The following PAICS variants were observed in gnomAD, a reference collection of about 807,000 sequenced individuals.
PAICS encodes the protein bifunctional phosphoribosylaminoimidazole carboxylase/phosphoribosylaminoimidazole succinocarboxamide synthetase.
In PAICS, 33 loss-of-function variants were observed where a neutral mutation model predicts 53.7. The observed-to-expected ratio is 0.61, with a 90% CI of 0.47 to 0.82. The LOEUF is 0.82. Among genes scored for constraint, PAICS ranks in the 40% least tolerant of loss-of-function variants. The pLI is 0.00. For synonymous variants in PAICS, 141 were observed against 167.2 expected, an observed-to-expected ratio of 0.84 and a Z score of 1.21; for missense variants, 394 against 494.1, an observed-to-expected ratio of 0.80 and a Z score of 1.92.
At chr4:56,428,281 A>G in the PAICS span, among the ~76,000 whole-genome samples, 1 of 152,200 alleles carries the variant, frequency 6.6e-6, no homozygotes, top group African/African-American at 2.4e-5. Flanking sequence ...TCATTTACAG[A>G]TTATAACAGT....
At chr4:56,454,948 A>G (rs1049517827) in intron 8 of PAICS, among the ~76,000 whole-genome samples, 15 of 152,178 alleles carry the variant, frequency 9.9e-5, no homozygotes, top group South Asian at 2.1e-4. Flanking sequence ...TCTGGAGGTC[A>G]GGAGTTCAAG....
chr4:56,429,215 A>G, the PAICS span, among the ~76,000 whole-genome samples: 6 of 152,218 alleles, frequency 3.9e-5, no homozygotes, highest in Non-Finnish European at 7.3e-5. Context: ...ATATTTTAAA[A>G]GAAGAAGAAA....
chr4:56,459,757 C>G lies in PAICS; in HGVS notation c.*219C>G, dbSNP rs922021958. 17 of 440,916 alleles carry G rather than the reference C, an allele frequency of 3.9e-5. No individual in the cohort carries two copies. Among genetic ancestry groups the G allele is most frequent in the African/African-American group, 3.1e-4 (16 of 51,130 alleles). 27.3% of individuals were successfully genotyped at this position (440,916 alleles called of 1,614,324 possible). On this transcript the variant is annotated 3_prime_UTR_variant, in exon 9 of 9. Transcript: ENST00000512576. ...ATATTTCAGCCAGCCTTTATCATTC[C>G]TCTTACTTTATCCTTTTTCCTTAAG...
At chr4:56,445,628 G>A (rs2110086626) in intron 2 of PAICS, among the ~76,000 whole-genome samples, 1 of 152,174 alleles carries the variant, frequency 6.6e-6, no homozygotes, top group Admixed American at 6.5e-5. Flanking sequence ...TTTATGCACA[G>A]TTAAATGAGA....
chr4:56,424,663 C>T, the PAICS span, among the ~76,000 whole-genome samples: 5 of 152,048 alleles, frequency 3.3e-5, no homozygotes, highest in Admixed American at 1.3e-4. Context: ...GAAGCATAAG[C>T]GAGAGAGGAT....
chr4:56,441,806 G>T lies in PAICS; in HGVS notation c.160G>T (p.Ala54Ser). 6.2e-7 allele frequency: 1 copy of T among 1,600,888 alleles called. No homozygotes were observed. Among genetic ancestry groups the T allele is most frequent in the Admixed American group, 1.7e-5 (1 of 57,828 alleles). ...TAGAAAAAACCACCTGGAAGGAAAA[G>T]CTGCAATCTCAAATAAAATCACCAG... Reference protein sequence around the residue: ...AARKNHLEGKAAISNKITSCI... With the variant: ...AARKNHLEGKSAISNKITSCI... Residue 54 changes from alanine to serine, a missense_variant, in exon 2 of 9, where the codon GCT (alanine) becomes TCT (serine). Physicochemically the swap from Ala to Ser is moderately conservative, Grantham distance 99. Around this residue, in one of 3 missense-constraint regions of PAICS, gnomAD observed 168 missense variants for 199.3 expected, o/e 0.84. Transcript: ENST00000512576.
chr4:56,419,908 T>G, the PAICS span: 8 of 984,700 alleles, frequency 8.1e-6, no homozygotes, highest in Non-Finnish European at 9.6e-6. Flanking sequence ...GATCTAGGCA[T>G]GACTAAGAGT....
rs764422195 is a variant in PAICS at position 56,441,739 on chromosome 4, C to T, written c.93C>T (p.Val31=). The T allele has an allele frequency of 6.2e-7, 1 of 1,604,524 alleles. No homozygotes were observed. Among genetic ancestry groups the T allele is most frequent in the African/African-American group, 1.3e-5 (1 of 74,748 alleles). ...VYELLDSPGK[V]LLQSKDQITA... is the part of the protein sequence containing the mutation. ...AATTGTTAGACAGTCCAGGAAAAGT[C>T]CTCCTGCAGTCCAAGGACCAGATTA... Residue 31 remains valine (V), a synonymous_variant, in exon 2 of 9, where the codon GTC becomes GTT. Coordinates refer to ENST00000512576, the MANE Select transcript of PAICS (RefSeq NM_001079524.2).
chr4:56,436,456 G>A, intron 1 of PAICS, 128 bp downstream of exon 1: 2 of 812,324 alleles, frequency 2.5e-6, no homozygotes, highest in Non-Finnish European at 4.2e-6. Context: ...CCGCGCGGGC[G>A]CACACGTGGC....
At chr4:56,437,810 A>T (rs1718097023) in intron 1 of PAICS, among the ~76,000 whole-genome samples, 1 of 117,516 alleles carries the variant, frequency 8.5e-6, no homozygotes, top group African/African-American at 3.5e-5. Flanking sequence ...ACAGAGAGAG[A>T]CTCTGTCTCA....
chr4:56,463,722 A>G lies in PAICS; in HGVS notation c.*4184A>G, dbSNP rs1044605309. The stretch of plus-strand genomic sequence containing the variant: ...AAAAAAAAAAAAAAAGATACTGTAC[A>G]TGGAAGCTTCTCAGGCTAAATCCAT... On this transcript the variant is annotated 3_prime_UTR_variant, in exon 9 of 9. Transcript: ENST00000512576. 1 of 151,694 alleles carries G rather than the reference A, an allele frequency of 6.6e-6. No individual in the cohort carries two copies. The highest frequency in any genetic ancestry group is 1.9e-4 in the East Asian group (1 of 5,156). The allele number at this position is 151,694 out of a possible 1,614,324, so 9.4% of individuals were successfully genotyped here. A position where few individuals can be genotyped will look rare whatever the true frequency, so the allele number is the denominator to read the frequency against.
At position 56,447,432 on chromosome 4, in the gene PAICS, G is replaced by A. The variant is rs1317610269; in HGVS notation, c.393+559G>A. Among the ~76,000 whole-genome samples, 5 of 152,244 alleles carry A rather than the reference G, an allele frequency of 3.3e-5. No homozygotes were observed. The East Asian group carries it at 9.7e-4, about 29-fold the overall frequency. On this transcript the variant is annotated intron_variant, in intron 3 of 8. Transcript: ENST00000512576. ...TATTGTCATGTAAAGTTGGGACACTGCTGAGAATAAAATGAAATTATTTCA... is the reference window on the plus strand; with the variant it reads ...TATTGTCATGTAAAGTTGGGACACTACTGAGAATAAAATGAAATTATTTCA...
At chr4:56,439,394 A>T (rs1430313415) in intron 1 of PAICS, among the ~76,000 whole-genome samples, 1 of 152,062 alleles carries the variant, frequency 6.6e-6, no homozygotes, top group East Asian at 1.9e-4. Flanking sequence ...GCACCAACAC[A>T]TCCGGCTAAT....
At chr4:56,451,734 T>C in intron 6 of PAICS, 138 bp from the exon 7 acceptor site, 2 of 486,054 alleles carry the variant, frequency 4.1e-6, no homozygotes, top group Non-Finnish European at 3.6e-6. Flanking sequence ...TCCTGTCTTT[T>C]TGTTGTTTGT....
chr4:56,436,151 A>G (rs1314411880), upstream of PAICS: 1 of 1,490,836 alleles, frequency 6.7e-7, no homozygotes, highest in African/African-American at 1.4e-5. Context: ...CTCCGCCCAT[A>G]CCCCTCCGGG....
chr4:56,456,662 G>A (rs1578161492), intron 8 of PAICS, among the ~76,000 whole-genome samples: 1 of 150,172 alleles, frequency 6.7e-6, no homozygotes, highest in East Asian at 2.0e-4. Flanking sequence ...TCCCACCTCA[G>A]CCTCCCAAAG....
the PAICS span, among the ~76,000 whole-genome samples, chr4:56,425,161 C>T: frequency 1.3e-5 from 2 of 152,078 alleles, no homozygotes; most frequent in East Asian, 1.9e-4. Context: ...TCAAAGGGTA[C>T]GCTAAGAATT....
At chr4:56,434,778 ATCAACTAG>A (rs1239983665), upstream of PAICS, among the ~76,000 whole-genome samples, 1 of 152,236 alleles carries the variant, frequency 6.6e-6, no homozygotes, top group African/African-American at 2.4e-5. Flanking sequence ...CATTCTCAAC[ATCAACTAG>A]TCATCTTTCC....
the PAICS span, among the ~76,000 whole-genome samples, chr4:56,415,780 A>G: frequency 2.6e-5 from 4 of 152,230 alleles, no homozygotes; most frequent in East Asian, 7.7e-4. Flanking sequence ...AAAACACCAC[A>G]TTTAAAAATT....
Sources: allele counts gnomAD v4.1 joint callset (sites outside exome capture counted in the v4.1 genomes callset), GRCh38; gene constraint gnomAD v4.1.1; regional missense constraint gnomAD v4.1.1; transcripts MANE v1.5; gene names NCBI Gene and HGNC (gene_info 2026-07-23, HGNC 2026-07-21).